Variants in PACRG observed in about 807,000 individuals in gnomAD.
PACRG encodes parkin coregulated gene protein.
PACRG carries 29 observed loss-of-function variants against 29.7 expected under a neutral mutation model. That is an observed-to-expected ratio of 0.98 (90% CI 0.73 to 1.33). The LOEUF (loss-of-function observed/expected upper bound fraction) is 1.33, where lower values mean the gene tolerates loss of function less well. Ranked by LOEUF, PACRG falls within the 40% of genes most tolerant of loss-of-function variation. The pLI, the probability that PACRG is intolerant of heterozygous loss-of-function variation, is 0.00. For synonymous variants in PACRG, 116 were observed against 118.7 expected (o/e 0.98, Z 0.15); for missense variants, 279 against 316.2 (o/e 0.88, Z 0.89).
At chr6:163,148,716 C>T (rs551747669) in intron 4 of PACRG, among the ~76,000 whole-genome samples, 27 of 152,220 alleles carry the variant, frequency 1.8e-4, no homozygotes, top group African/African-American at 5.1e-4. Context: ...TCCAACTTTG[C>T]GTGTCCATTT....
chr6:163,241,889 C>A (rs141872816), intron 4 of PACRG, among the ~76,000 whole-genome samples: 5 of 152,258 alleles, frequency 3.3e-5, no homozygotes, highest in African/African-American at 1.2e-4. Context: ...CCCCGTCTGG[C>A]ATTCCTGACA....
rs1047368201 is a variant in PACRG at position 162,777,343 on chromosome 6, T to C, written c.157-36804T>C. Among the ~76,000 whole-genome samples the C allele has an allele frequency of 6.6e-6, 1 of 152,216 alleles. No individual in the cohort carries two copies. Among genetic ancestry groups the C allele is most frequent in the Non-Finnish European group, 1.5e-5 (1 of 68,044 alleles). ...CAGACTGAGTGGCTTGGCATTTGGC[T>C]GATGTAGGCCATGTGGGCACACACT... On this transcript the variant is annotated intron_variant, in intron 1 of 4. Transcript: ENST00000366888. This position sits in a 1 kb window ranked among gnomAD's most constrained non-coding sequence, Gnocchi z 4.0.
intron 1 of PACRG, among the ~76,000 whole-genome samples, chr6:162,775,408 CGTAA>C (rs1006163243): frequency 1.6e-4 from 24 of 152,206 alleles, no homozygotes; most frequent in African/African-American, 4.6e-4. Context: ...AAGATAATTG[CGTAA>C]GTGTTAGAGG....
intron 4 of PACRG, among the ~76,000 whole-genome samples, chr6:163,172,554 TTTC>T (rs1779138754): frequency 6.6e-6 from 1 of 152,182 alleles, no homozygotes; most frequent in Admixed American, 6.5e-5. Context: ...TTTGTGGATT[TTTC>T]TTTTCTGGGA....
chr6:163,091,121 G>A (rs1366883448), intron 4 of PACRG, among the ~76,000 whole-genome samples: 1 of 152,326 alleles, frequency 6.6e-6, no homozygotes, highest in South Asian at 2.1e-4. Flanking sequence ...ATAAAGGCTA[G>A]AACTTATATC....
intron 4 of PACRG, among the ~76,000 whole-genome samples, chr6:163,252,370 A>AG (rs1369938215): frequency 2.0e-5 from 3 of 152,370 alleles, no homozygotes; most frequent in East Asian, 3.9e-4. Flanking sequence ...GATGAGCAGC[A>AG]GGGGGGCGAC....
intron 1 of PACRG, among the ~76,000 whole-genome samples, chr6:162,788,776 T>C (rs1784712749): frequency 6.6e-6 from 1 of 152,216 alleles, no homozygotes; most frequent in Admixed American, 6.5e-5. Flanking sequence ...GAGCATCTTT[T>C]TGTATGTTTA....
chr6:162,989,192 T>C (rs2128182580), intron 2 of PACRG, among the ~76,000 whole-genome samples: 1 of 152,244 alleles, frequency 6.6e-6, no homozygotes, highest in South Asian at 2.1e-4. Flanking sequence ...AAAAGGACAC[T>C]ACAGCTCTGA....
chr6:163,037,294 G>A (rs1472731659), intron 2 of PACRG, among the ~76,000 whole-genome samples: 1 of 152,182 alleles, frequency 6.6e-6, no homozygotes, highest in African/African-American at 2.4e-5. Flanking sequence ...GGCTTCTGAT[G>A]CAGAGCAGAG....
chr6:163,103,775 A>G (rs1815229926), intron 4 of PACRG, among the ~76,000 whole-genome samples: 2 of 152,222 alleles, frequency 1.3e-5, no homozygotes, highest in Non-Finnish European at 2.9e-5. Context: ...TACAAAATTA[A>G]CTGCCAACAT....
chr6:163,245,814 C>T (rs1399809293), intron 4 of PACRG, among the ~76,000 whole-genome samples: 1 of 152,128 alleles, frequency 6.6e-6, no homozygotes, highest in African/African-American at 2.4e-5. Flanking sequence ...ATTTTCTGCC[C>T]CTACTCAGGT....
intron 2 of PACRG, among the ~76,000 whole-genome samples, chr6:162,962,939 A>G (rs1212678934): frequency 1.3e-5 from 2 of 152,286 alleles, no homozygotes; most frequent in East Asian, 3.9e-4. Flanking sequence ...TGTGTTCTTC[A>G]TCTCATAATT....
chr6:163,160,797 T>C (rs1269430073), intron 4 of PACRG, among the ~76,000 whole-genome samples: 1 of 152,178 alleles, frequency 6.6e-6, no homozygotes, highest in Non-Finnish European at 1.5e-5. Context: ...TTTCCCCCCT[T>C]GAATATGCTT....
chr6:162,837,210 A>T (rs1366331581), intron 2 of PACRG, among the ~76,000 whole-genome samples: 2 of 152,104 alleles, frequency 1.3e-5, no homozygotes, highest in Non-Finnish European at 2.9e-5. Context: ...TAAAGAAGGA[A>T]ATTAGTGTTA....
At chr6:163,296,391 G>T (rs1465795397) in intron 4 of PACRG, among the ~76,000 whole-genome samples, 1 of 152,136 alleles carries the variant, frequency 6.6e-6, no homozygotes, top group Non-Finnish European at 1.5e-5. Flanking sequence ...CACCTCCCGA[G>T]TTCAAGCAGT....
At chr6:162,882,432 C>T (rs1188995346) in intron 2 of PACRG, among the ~76,000 whole-genome samples, 1 of 152,036 alleles carries the variant, frequency 6.6e-6, no homozygotes, top group African/African-American at 2.4e-5. Flanking sequence ...AGAACAGAGA[C>T]CCAGGGGCTC....
At chr6:162,895,793 C>T (rs571472843) in intron 2 of PACRG, among the ~76,000 whole-genome samples, 1 of 152,314 alleles carries the variant, frequency 6.6e-6, no homozygotes, top group Non-Finnish European at 1.5e-5. Context: ...CACAGGATAC[C>T]ACAAGCTCTA....
chr6:162,992,553 G>T (rs573895664), intron 2 of PACRG, among the ~76,000 whole-genome samples: 3,716 of 135,832 alleles, frequency 0.027, 198 homozygotes, highest in African/African-American at 0.099. Flanking sequence ...ATTCTCTGAT[G>T]GTAGTTTGTA....
intron 4 of PACRG, among the ~76,000 whole-genome samples, chr6:163,127,705 C>G (rs951865830): frequency 1.3e-5 from 2 of 152,156 alleles, no homozygotes; most frequent in Non-Finnish European, 2.9e-5. Flanking sequence ...AAGTCTTTAT[C>G]TTTACATTTA....
Sources: allele counts gnomAD v4.1 joint callset (sites outside exome capture counted in the v4.1 genomes callset), GRCh38; gene constraint gnomAD v4.1.1; non-coding constraint Gnocchi (gnomAD v3.1); transcripts MANE v1.5; gene names NCBI Gene and HGNC (gene_info 2026-07-23, HGNC 2026-07-21).